Variants in ZNF547 observed in about 807,000 individuals in gnomAD.
ZNF547 encodes zinc finger protein 547.
In ZNF547, 4 loss-of-function variants were observed where a neutral mutation model predicts 7.7. That is an observed-to-expected ratio of 0.52 (90% confidence interval 0.26 to 1.20). The LOEUF (loss-of-function observed/expected upper bound fraction) is 1.20, where lower values mean the gene tolerates loss of function less well. Ranked by LOEUF, ZNF547 falls within the 50% of genes most tolerant of loss-of-function variation. The pLI, the probability that ZNF547 is intolerant of heterozygous loss-of-function variation, is 0.14. For synonymous variants in ZNF547, 166 were observed against 166.2 expected (o/e 1.00, Z 0.01); for missense variants, 449 against 485.8 (o/e 0.92, Z 0.71).
At chr19:57,377,051 C>T in intron 3 of ZNF547, 77 bp from the exon 4 acceptor site, 1 of 1,417,404 alleles carries the variant, frequency 7.1e-7, no homozygotes, top group Non-Finnish European at 9.6e-7. Flanking sequence ...CATGGGGTGT[C>T]TGACTGACAT....
At chr19:57,364,764 C>G in intron 1 of ZNF547, 1 of 1,331,200 alleles carries the variant, frequency 7.5e-7, no homozygotes, top group Non-Finnish European at 1.1e-6. Context: ...GAGCGCGGGT[C>G]TCTTCCGCGG....
At position 57,365,260 on chromosome 19, in the gene ZNF547, G is replaced by A. The variant is rs1043316; in HGVS notation, c.-13+1557G>A. The A allele has an allele frequency of 2.5e-5, 38 of 1,544,128 alleles. No homozygotes were observed. The Admixed American group carries it at 7.1e-4, about 29-fold the overall frequency. On this transcript the variant is annotated intron_variant, in intron 1 of 3. Transcript: ENST00000282282. ...GAAGAAACACCTTTTAAGCTGAATGGAGAAAATTCCAAAATAAATTATATC... is the reference window on the plus strand; with the variant it reads ...GAAGAAACACCTTTTAAGCTGAATGAAGAAAATTCCAAAATAAATTATATC...
chr19:57,366,185 A>T (rs772651762), intron 1 of ZNF547, among the ~76,000 whole-genome samples: 28 of 143,830 alleles, frequency 1.9e-4, no homozygotes, highest in Non-Finnish European at 3.8e-4. Context: ...TTACTTAAAA[A>T]TTGGGAATAA....
intron 2 of ZNF547, 141 bp downstream of exon 2, chr19:57,368,720 C>T (rs916820877): frequency 1.3e-6 from 1 of 788,440 alleles, no homozygotes; most frequent in African/African-American, 1.7e-5. Flanking sequence ...GTGATTCCAC[C>T]AGTTCTAGTA....
chr19:57,371,519 G>C (rs2088504329), intron 2 of ZNF547: 1 of 383,918 alleles, frequency 2.6e-6, no homozygotes, highest in Non-Finnish European at 4.6e-6. Flanking sequence ...AGGACACCTG[G>C]GCTATTGGGA....
chr19:57,377,307 G>T lies in ZNF547; in HGVS notation c.331G>T (p.Glu111Ter). 1 of 1,614,126 alleles carries T rather than the reference G, an allele frequency of 6.2e-7. No homozygotes were observed. Among genetic ancestry groups the T allele is most frequent in the African/African-American group, 1.3e-5 (1 of 75,008 alleles). The change falls in exon 4 of 4, where the codon GAG (glutamate) becomes TAG (stop). Residue 111 changes from glutamate (E) to a stop codon, truncating the protein, a stop_gained. Coordinates refer to ENST00000282282, the MANE Select transcript of ZNF547 (RefSeq NM_173631.4). LOFTEE classifies it low-confidence loss of function (END_TRUNC). The stretch of plus-strand genomic sequence containing the variant: ...GGCTGAGCATGACGGAACACACCCC[G>T]AGCAGGGACTGTACACGTGTCCAGC... Reference protein sequence around the residue: ...RLAEHDGTHPEQGLYTCPAHL... With the variant: ...RLAEHDGTHP
intron 3 of ZNF547, among the ~76,000 whole-genome samples, chr19:57,376,638 A>G (rs573968152): frequency 4.5e-4 from 69 of 152,114 alleles, no homozygotes; most frequent in Non-Finnish European, 8.7e-4. Flanking sequence ...CTTAATCTAA[A>G]TGGGTCCAGG....
chr19:57,376,778 A>T (rs755475829), intron 3 of ZNF547, among the ~76,000 whole-genome samples: 3 of 152,112 alleles, frequency 2.0e-5, no homozygotes, highest in Non-Finnish European at 4.4e-5. Context: ...AATGTATTTA[A>T]TCCTAAACGA....
At chr19:57,373,602 G>GC (rs775547237) in intron 3 of ZNF547, among the ~76,000 whole-genome samples, 1 of 152,166 alleles carries the variant, frequency 6.6e-6, no homozygotes, top group Non-Finnish European at 1.5e-5. Context: ...AAAATCAAAA[G>GC]CAAGTTAGTT....
chr19:57,371,749 C>A, intron 2 of ZNF547, 33 bp from the exon 3 acceptor site: 1 of 1,588,416 alleles, frequency 6.3e-7, no homozygotes, highest in Non-Finnish European at 8.6e-7. Context: ...GTTTGAAAAG[C>A]TGCTCATGTA....
intron 2 of ZNF547, among the ~76,000 whole-genome samples, chr19:57,369,901 T>G (rs1345940801): frequency 9.5e-6 from 1 of 105,158 alleles, no homozygotes; most frequent in African/African-American, 4.0e-5. Context: ...TCACAGTTCT[T>G]TTTTTTTTTT....
intron 2 of ZNF547, 180 bp from the exon 3 acceptor site, chr19:57,371,602 G>A: frequency 3.2e-6 from 3 of 949,440 alleles, no homozygotes; most frequent in Non-Finnish European, 4.6e-6. Context: ...GTTTGAGAAA[G>A]TTAGAGATGG....
rs781348428 is a variant in ZNF547 at position 57,371,851 on chromosome 19, C to G, written c.94C>G (p.Gln32Glu). The change falls in exon 3 of 4, where the codon CAG becomes GAG. Residue 32 changes from glutamine (Q) to glutamate (E), a missense_variant. By Grantham distance (29) the Gln-to-Glu change is conservative. Transcript: ENST00000282282. ...QEEWGHLDEA[Q>E]RLLYRDVMLE... ...GGAGTGGGGGCATCTCGATGAGGCT[C>G]AGAGATTGCTGTACCGTGATGTGAT... 1 of 1,613,900 alleles carries G rather than the reference C, an allele frequency of 6.2e-7. No individual in the cohort carries two copies. Among genetic ancestry groups the G allele is most frequent in the Non-Finnish European group, 8.5e-7 (1 of 1,179,872 alleles).
intron 3 of ZNF547, among the ~76,000 whole-genome samples, chr19:57,373,993 C>T (rs1339013661): frequency 1.3e-5 from 2 of 152,196 alleles, no homozygotes; most frequent in Non-Finnish European, 1.5e-5. Context: ...CTAGGTAGTA[C>T]CCCAGTAGGG....
chr19:57,369,804 G>A (rs955475315), intron 2 of ZNF547, among the ~76,000 whole-genome samples: 2 of 150,686 alleles, frequency 1.3e-5, no homozygotes, highest in African/African-American at 4.9e-5. Flanking sequence ...ATGAGATGAG[G>A]ATGGGAATTC....
intron 2 of ZNF547, chr19:57,370,825 A>G (rs1258531651): frequency 6.6e-6 from 1 of 152,252 alleles, no homozygotes; most frequent in Non-Finnish European, 1.5e-5. Flanking sequence ...AAAGTCACTC[A>G]TGCCACCTGG....
At chr19:57,364,458 G>T (rs912693607) in intron 1 of ZNF547, 9 of 233,604 alleles carry the variant, frequency 3.9e-5, no homozygotes, top group Admixed American at 1.1e-4. Context: ...AAGAATAGAG[G>T]GTGGCCGGGC....
chr19:57,364,638 G>A (rs928633229), intron 1 of ZNF547: 2 of 607,142 alleles, frequency 3.3e-6, no homozygotes, highest in South Asian at 2.0e-5. Context: ...CTATTCGGGA[G>A]GCTGAGGCAG....
intron 3 of ZNF547, among the ~76,000 whole-genome samples, chr19:57,373,960 G>C (rs565643425): frequency 6.6e-6 from 1 of 152,208 alleles, no homozygotes; most frequent in Non-Finnish European, 1.5e-5. Flanking sequence ...ACTGGAGGAC[G>C]TGGCCTTCTT....
Sources: gnomAD v4.1 joint callset for allele counts (sites outside exome capture counted in the v4.1 genomes callset) on GRCh38, gnomAD v4.1.1 for gene constraint, MANE v1.5 for transcripts, NCBI Gene and HGNC (gene_info 2026-07-23, HGNC 2026-07-21) for gene names.